ABTB2: variants seen among roughly 807,000 people sequenced by gnomAD.
ABTB2 encodes the protein ankyrin repeat and BTB/POZ domain-containing protein 2.
A neutral mutation model predicts 104.1 loss-of-function variants in ABTB2; 56 were observed. The observed-to-expected ratio is 0.54, with a 90% confidence interval of 0.43 to 0.67. ABTB2 has a LOEUF of 0.67. ABTB2 is among the 30% of genes least tolerant of loss of function. The pLI, the probability that ABTB2 is intolerant of heterozygous loss-of-function variation, is 0.00. For missense variants in ABTB2, 1,279 were observed against 1,407.7 expected, an observed-to-expected ratio of 0.91 and a Z score of 1.46; for synonymous variants, 606 against 608.2, an observed-to-expected ratio of 1.00 and a Z score of 0.05.
At chr11:34,341,518 C>T (rs1382470797) in intron 1 of ABTB2, among the ~76,000 whole-genome samples, 1 of 152,208 alleles carries the variant, frequency 6.6e-6, no homozygotes, top group Non-Finnish European at 1.5e-5. Flanking sequence ...TGGAAATGTT[C>T]TATATCTGCA....
At chr11:34,180,018 A>G (rs1853007042) in intron 3 of ABTB2, among the ~76,000 whole-genome samples, 1 of 152,230 alleles carries the variant, frequency 6.6e-6, no homozygotes, top group Non-Finnish European at 1.5e-5. Context: ...AATGTTAACT[A>G]TTATTACTAG....
chr11:34,189,302 T>TA (rs1853143011), intron 3 of ABTB2: 1 of 151,982 alleles, frequency 6.6e-6, no homozygotes, highest in Non-Finnish European at 1.5e-5. Context: ...AGAAAAGAAA[T>TA]ATATATATAA....
chr11:34,236,488 C>G (rs1853845284), intron 1 of ABTB2, among the ~76,000 whole-genome samples: 1 of 152,182 alleles, frequency 6.6e-6, no homozygotes, highest in Non-Finnish European at 1.5e-5. Context: ...GAGAAGGACT[C>G]TGTGCCGCCA....
intron 1 of ABTB2, among the ~76,000 whole-genome samples, chr11:34,331,172 T>C (rs1392263012): frequency 1.3e-5 from 2 of 152,206 alleles, no homozygotes; most frequent in African/African-American, 2.4e-5. Flanking sequence ...AAGAATAAAG[T>C]CCTCCTGATT....
At chr11:34,203,886 G>C (rs1301573301) in intron 2 of ABTB2, among the ~76,000 whole-genome samples, 1 of 152,192 alleles carries the variant, frequency 6.6e-6, no homozygotes, top group Non-Finnish European at 1.5e-5. Flanking sequence ...AGAGCGAGGG[G>C]GAATGAAGGC....
chr11:34,156,616 T>C (rs1203904132), intron 14 of ABTB2, among the ~76,000 whole-genome samples: 1 of 151,732 alleles, frequency 6.6e-6, no homozygotes, highest in African/African-American at 2.4e-5. Context: ...CTCCACCTCC[T>C]GGGTTCGAGC....
At chr11:34,158,900 T>C (rs904873865) in intron 14 of ABTB2, among the ~76,000 whole-genome samples, 4 of 152,158 alleles carry the variant, frequency 2.6e-5, no homozygotes, top group African/African-American at 9.7e-5. Flanking sequence ...CTGGGGAGCT[T>C]GTGAAGATGC....
At chr11:34,341,694 TCTCA>T (rs1855263884) in intron 1 of ABTB2, among the ~76,000 whole-genome samples, 2 of 152,150 alleles carry the variant, frequency 1.3e-5, no homozygotes, top group South Asian at 4.2e-4. Flanking sequence ...CTGTGGCTCC[TCTCA>T]CTCACAGCTT....
intron 1 of ABTB2, among the ~76,000 whole-genome samples, chr11:34,295,443 G>C (rs1183961753): frequency 6.6e-6 from 1 of 152,126 alleles, no homozygotes; most frequent in Non-Finnish European, 1.5e-5. Flanking sequence ...TCTTCTGATT[G>C]CTTCTGTAAT....
chr11:34,203,338 G>A (rs1341508937), intron 2 of ABTB2, among the ~76,000 whole-genome samples: 1 of 152,204 alleles, frequency 6.6e-6, no homozygotes, highest in Admixed American at 6.5e-5. Flanking sequence ...CACAGAAGGC[G>A]CTCACTTAAT....
intron 1 of ABTB2, among the ~76,000 whole-genome samples, chr11:34,245,155 C>T (rs993372686): frequency 1.3e-5 from 2 of 152,334 alleles, no homozygotes; most frequent in Admixed American, 6.5e-5. Context: ...CTGACTGACA[C>T]ATGCCTCATC....
chr11:34,314,985 C>T (rs1854907843), intron 1 of ABTB2, among the ~76,000 whole-genome samples: 1 of 152,210 alleles, frequency 6.6e-6, no homozygotes, highest in Non-Finnish European at 1.5e-5. Flanking sequence ...CAACCCAACA[C>T]TCCAAATGAC....
intron 1 of ABTB2, among the ~76,000 whole-genome samples, chr11:34,246,847 CTTTTTTT>C (rs199831054): frequency 4.4e-4 from 52 of 118,288 alleles, no homozygotes; most frequent in African/African-American, 1.4e-3. Flanking sequence ...TTTCTTTTTT[CTTTTTTT>C]TTTTTTTTTT....
chr11:34,284,962 G>C (rs1854487042), intron 1 of ABTB2, among the ~76,000 whole-genome samples: 1 of 152,264 alleles, frequency 6.6e-6, no homozygotes, highest in African/African-American at 2.4e-5. Context: ...CAGTCAATCA[G>C]CTGCCAGCTC....
At chr11:34,336,090 T>A (rs1855190590) in intron 1 of ABTB2, 1 of 315,356 alleles carries the variant, frequency 3.2e-6, no homozygotes, top group East Asian at 6.2e-5. Flanking sequence ...TCCCAGAACC[T>A]GACGTTCCTG....
intron 1 of ABTB2, among the ~76,000 whole-genome samples, chr11:34,226,632 G>GT (rs1252486952): frequency 4.6e-5 from 7 of 152,282 alleles, no homozygotes; most frequent in Admixed American, 2.0e-4. Flanking sequence ...CAAGTAGGCT[G>GT]TTTTTTCAAA....
chr11:34,213,733 A>G (rs755786092), intron 1 of ABTB2, among the ~76,000 whole-genome samples: 2 of 152,212 alleles, frequency 1.3e-5, no homozygotes, highest in Non-Finnish European at 2.9e-5. Flanking sequence ...GCAAAAGAGT[A>G]TAAAATAAAG....
chr11:34,213,819 C>G (rs546793981), intron 1 of ABTB2, among the ~76,000 whole-genome samples: 1 of 152,270 alleles, frequency 6.6e-6, no homozygotes, highest in South Asian at 2.1e-4. Context: ...GCAATAGTCA[C>G]AACATTGGGC....
At chr11:34,185,350 G>A (rs1406406720) in intron 3 of ABTB2, among the ~76,000 whole-genome samples, 1 of 152,208 alleles carries the variant, frequency 6.6e-6, no homozygotes, top group East Asian at 1.9e-4. Flanking sequence ...AAGAGACAGT[G>A]CAAGCTCAGA....
Sources: allele counts gnomAD v4.1 joint callset (sites outside exome capture counted in the v4.1 genomes callset), GRCh38; gene constraint gnomAD v4.1.1; transcripts MANE v1.5; gene names NCBI Gene and HGNC (gene_info 2026-07-23, HGNC 2026-07-21).